TBC1D22A: variants seen among roughly 807,000 people sequenced by gnomAD.
TBC1D22A encodes TBC1 domain family member 22A.
Under a neutral mutation model 60.2 loss-of-function variants are expected in TBC1D22A, and 38 were observed. The observed-to-expected ratio is 0.63, with a 90% CI of 0.49 to 0.83. TBC1D22A has a LOEUF of 0.83. Ranked by LOEUF, TBC1D22A falls within the 40% of genes least tolerant of loss-of-function variation. TBC1D22A has a pLI of 0.00. For synonymous variants in TBC1D22A, 302 were observed against 281.7 expected, an observed-to-expected ratio of 1.07 and a Z score of -0.72; for missense variants, 628 against 701.0, an observed-to-expected ratio of 0.90 and a Z score of 1.18.
chr22:46,888,995 C>T (rs2068259217), intron 5 of TBC1D22A, among the ~76,000 whole-genome samples: 2 of 152,072 alleles, frequency 1.3e-5, no homozygotes, highest in African/African-American at 2.4e-5. Context: ...TGAGCTACCG[C>T]GTCTGTCCAA....
chr22:46,831,711 A>C (rs1419603331), intron 4 of TBC1D22A, among the ~76,000 whole-genome samples: 1 of 152,228 alleles, frequency 6.6e-6, no homozygotes, highest in Non-Finnish European at 1.5e-5. Flanking sequence ...GAAGGCTATA[A>C]ATAAAATTAA....
At chr22:46,962,087 G>A (rs1030353041) in intron 8 of TBC1D22A, among the ~76,000 whole-genome samples, 5 of 152,216 alleles carry the variant, frequency 3.3e-5, no homozygotes, top group Admixed American at 2.6e-4. Context: ...GGTCCTGGGG[G>A]GAGTGTGCTG....
At chr22:47,169,355 C>T (rs1288471913) in intron 12 of TBC1D22A, among the ~76,000 whole-genome samples, 4 of 152,166 alleles carry the variant, frequency 2.6e-5, no homozygotes, top group Admixed American at 2.0e-4. Context: ...ACACCCAAGT[C>T]GCCCACCATC....
chr22:46,922,016 C>T (rs748141564), intron 8 of TBC1D22A, among the ~76,000 whole-genome samples: 13 of 152,066 alleles, frequency 8.5e-5, no homozygotes, highest in Non-Finnish European at 1.8e-4. Context: ...AGGATGTTTA[C>T]AGTTTTAGGT....
chr22:46,862,591 G>A (rs1244219330), intron 4 of TBC1D22A, among the ~76,000 whole-genome samples: 1 of 152,214 alleles, frequency 6.6e-6, no homozygotes, highest in African/African-American at 2.4e-5. Context: ...GCCAGCCAGC[G>A]AGAGCGGGGC....
chr22:47,072,183 G>C (rs947655481), intron 11 of TBC1D22A, among the ~76,000 whole-genome samples: 2 of 152,264 alleles, frequency 1.3e-5, no homozygotes, highest in Non-Finnish European at 2.9e-5. Flanking sequence ...AAAAAGAGGA[G>C]TGGGGCAGAG....
chr22:46,903,465 T>G (rs573405065), intron 7 of TBC1D22A, among the ~76,000 whole-genome samples: 1 of 152,338 alleles, frequency 6.6e-6, no homozygotes, highest in East Asian at 1.9e-4. Context: ...CCGCTTGAAT[T>G]TGGGGACCTG....
intron 8 of TBC1D22A, among the ~76,000 whole-genome samples, chr22:46,967,482 T>G (rs192818385): frequency 6.2e-4 from 94 of 152,330 alleles, no homozygotes; most frequent in African/African-American, 2.1e-3. Flanking sequence ...AGCTCCTAAT[T>G]AAGTGAAGAG....
rs551626059 is a variant in TBC1D22A, at chr22:46,941,791, A to AATATATAGAAT, written c.1015+29631_1015+29641dup. Among the ~76,000 whole-genome samples, 394 of 139,726 alleles carry AATATATAGAAT rather than the reference A, an allele frequency of 2.8e-3. 4 individuals are homozygous for AATATATAGAAT. Among genetic ancestry groups the AATATATAGAAT allele is most frequent in the Non-Finnish European group, 4.6e-3 (299 of 64,744 alleles). 91.7% of individuals were successfully genotyped at this position (139,726 alleles called of 152,430 possible). ...GAATATGTATACGGAATATATATAGAATATATAGAATATATATAGAATATA... is the reference window on the plus strand; with the variant it reads ...GAATATGTATACGGAATATATATAGAATATATAGAATATATATAGAATATATATAGAATATA... On this transcript the variant is annotated intron_variant, in intron 8 of 12. Coordinates refer to ENST00000337137, the MANE Select transcript of TBC1D22A (RefSeq NM_014346.5).
At chr22:46,970,588 C>G (rs563730289) in intron 8 of TBC1D22A, among the ~76,000 whole-genome samples, 1 of 152,198 alleles carries the variant, frequency 6.6e-6, no homozygotes, top group African/African-American at 2.4e-5. Flanking sequence ...CTTCCCAGGT[C>G]GTGCCTCGTT....
rs191095842 is a variant in TBC1D22A, at chr22:46,780,192, G to A, written c.63-12328G>A. On this transcript the variant is annotated intron_variant, in intron 1 of 12. Transcript: ENST00000337137. ...AAAGCTGCTATTGACCCCTAAGGGG[G>A]CACTGAATAATGACTGTGCTTGGAG... Among the ~76,000 whole-genome samples, 5 of 152,288 alleles carry A rather than the reference G, an allele frequency of 3.3e-5. 1 individual carries two copies. Among genetic ancestry groups the A allele is most frequent in the South Asian group, 4.1e-4 (2 of 4,822 alleles).
At chr22:46,992,159 TG>T (rs1569312168) in intron 9 of TBC1D22A, among the ~76,000 whole-genome samples, 1 of 152,240 alleles carries the variant, frequency 6.6e-6, no homozygotes, top group Non-Finnish European at 1.5e-5. Flanking sequence ...GCCACACTCG[TG>T]GCTGTGATTC....
At chr22:47,031,528 A>G (rs2062473625) in intron 10 of TBC1D22A, among the ~76,000 whole-genome samples, 1 of 152,184 alleles carries the variant, frequency 6.6e-6, no homozygotes, top group Non-Finnish European at 1.5e-5. Flanking sequence ...GCTCTTGCAG[A>G]TGTACTGGGC....
At chr22:46,843,600 C>T (rs796863999) in intron 4 of TBC1D22A, among the ~76,000 whole-genome samples, 2 of 152,020 alleles carry the variant, frequency 1.3e-5, no homozygotes, top group African/African-American at 4.8e-5. Flanking sequence ...GGGTATCACG[C>T]GTTCTGTAGA....
At chr22:47,110,487 AAAT>A (rs1428672765) in intron 11 of TBC1D22A, among the ~76,000 whole-genome samples, 3 of 152,234 alleles carry the variant, frequency 2.0e-5, no homozygotes, top group Admixed American at 6.5e-5. Flanking sequence ...TCAATAAAGA[AAAT>A]AATAATAATA....
At chr22:46,853,792 C>T (rs919136955) in intron 4 of TBC1D22A, among the ~76,000 whole-genome samples, 1 of 152,116 alleles carries the variant, frequency 6.6e-6, no homozygotes, top group African/African-American at 2.4e-5. Context: ...GCCTCGTCCT[C>T]TGGGCCCTGG....
intron 8 of TBC1D22A, among the ~76,000 whole-genome samples, chr22:46,950,130 C>T (rs533479118): frequency 5.9e-5 from 9 of 152,084 alleles, no homozygotes; most frequent in Admixed American, 1.3e-4. Flanking sequence ...TTGGAGTGAT[C>T]GGTGGTGGCT....
chr22:46,913,243 A>T, intron 8 of TBC1D22A: 1 of 922,030 alleles, frequency 1.1e-6, no homozygotes, highest in Non-Finnish European at 1.5e-6. Context: ...TTTACTGTTT[A>T]GTCACAGCAT....
At chr22:46,886,065 G>A (rs1442494650) in intron 5 of TBC1D22A, among the ~76,000 whole-genome samples, 2 of 151,888 alleles carry the variant, frequency 1.3e-5, no homozygotes, top group South Asian at 2.1e-4. Flanking sequence ...CTGCCACCAC[G>A]CCTGGCTAAT....
Sources: allele counts gnomAD v4.1 joint callset (sites outside exome capture counted in the v4.1 genomes callset), GRCh38; gene constraint gnomAD v4.1.1; transcripts MANE v1.5; gene names NCBI Gene and HGNC (gene_info 2026-07-23, HGNC 2026-07-21).